The following RSRC2 variants were observed in gnomAD, a reference collection of about 807,000 sequenced individuals.
RSRC2 encodes arginine and serine rich coiled-coil 2, also known as arginine/serine-rich coiled-coil protein 2.
Under a neutral mutation model 61.3 loss-of-function variants are expected in RSRC2, and 5 were observed. The observed-to-expected ratio is 0.08, with a 90% CI of 0.04 to 0.17. The LOEUF (loss-of-function observed/expected upper bound fraction) is 0.17. RSRC2 is among the 10% of genes least tolerant of loss of function. RSRC2 has a pLI of 1.00. For missense variants in RSRC2, 381 were observed against 518.8 expected, an observed-to-expected ratio of 0.73 and a Z score of 2.58; for synonymous variants, 202 against 166.5, an observed-to-expected ratio of 1.21 and a Z score of -1.64.
At chr12:122,513,251 A>C (rs954320601) in intron 6 of RSRC2, among the ~76,000 whole-genome samples, 5 of 140,730 alleles carry the variant, frequency 3.6e-5, no homozygotes, top group Non-Finnish European at 7.7e-5. Context: ...AAATAAAATA[A>C]AATAAAAATA....
Position 122,515,337 on chromosome 12 carries a change from T to C in RSRC2, c.603-110A>G. 4 of 1,096,914 alleles carry C rather than the reference T, an allele frequency of 3.6e-6. No individual in the cohort carries two copies. In the East Asian group the frequency reaches 9.7e-5, roughly 27 times the overall value. The allele number at this position is 1,096,914 out of a possible 1,614,324, so 67.9% of individuals were successfully genotyped here. A position where few individuals can be genotyped will look rare whatever the true frequency, so the allele number is the denominator to read the frequency against. ...ATCCCAACGATACAAAAACATTTAGTTTGAGATGCAAAAGATTTAAAACAT... is the reference window on the plus strand; with the variant it reads ...ATCCCAACGATACAAAAACATTTAGCTTGAGATGCAAAAGATTTAAAACAT... On this transcript the variant is annotated intron_variant, in intron 5 of 9. Transcript: ENST00000331738.
At chr12:122,518,220 C>T (rs764518736) in intron 4 of RSRC2, among the ~76,000 whole-genome samples, 21 of 151,850 alleles carry the variant, frequency 1.4e-4, no homozygotes, top group Non-Finnish European at 2.2e-4. Flanking sequence ...ATCACTTGAG[C>T]CCTGGAGGAC....
At chr12:122,510,213 C>A (rs1565889770) in intron 7 of RSRC2, among the ~76,000 whole-genome samples, 2 of 151,892 alleles carry the variant, frequency 1.3e-5, no homozygotes, top group Non-Finnish European at 2.9e-5. Context: ...CACTTTCTTG[C>A]ATAAACTACA....
At chr12:122,524,263 T>C (rs1390806393) in intron 1 of RSRC2, among the ~76,000 whole-genome samples, 1 of 152,176 alleles carries the variant, frequency 6.6e-6, no homozygotes, top group Non-Finnish European at 1.5e-5. Flanking sequence ...TTTTTTTTCA[T>C]CGTTATCCTT....
At chr12:122,507,041 T>C in intron 8 of RSRC2, 118 bp from the exon 9 acceptor site, 1 of 680,956 alleles carries the variant, frequency 1.5e-6, no homozygotes, top group Non-Finnish European at 2.6e-6. Context: ...TCAATCAATG[T>C]AAGTTTAATT....
chr12:122,506,214 C>T (rs145643266), intron 9 of RSRC2, among the ~76,000 whole-genome samples: 39 of 152,030 alleles, frequency 2.6e-4, no homozygotes, highest in African/African-American at 9.2e-4. Context: ...GGTGAAACCC[C>T]GTCTATACTA....
chr12:122,506,980 G>C (rs750201789), intron 8 of RSRC2, 57 bp from the exon 9 acceptor site: 174 of 935,314 alleles, frequency 1.9e-4, no homozygotes, highest in Non-Finnish European at 2.8e-4. Flanking sequence ...TTTAGGACAT[G>C]AAATCTCTCA....
rs772016452 is a variant in RSRC2 at position 122,517,423 on chromosome 12, G to A, written c.406C>T (p.Arg136Cys). The change falls in exon 5 of 10, where the codon CGT becomes TGT. Residue 136 changes from arginine to cysteine, a missense_variant. Physicochemically the swap from Arg to Cys is radical, Grantham distance 180. Around this residue, in one of 4 missense-constraint regions of RSRC2, gnomAD observed 266 missense variants for 270.5 expected, o/e 0.98. Coordinates refer to ENST00000331738, the MANE Select transcript of RSRC2 (RefSeq NM_023012.6). ...SRSRSRERRH[R>C]SRSRERKKSR... The stretch of plus-strand genomic sequence containing the variant: ...TTCTTCCGCTCCCTGCTTCTACTAC[G>A]ATGGCGTCTGAAATTAAAGTGCACA... 6 of 1,613,970 alleles carry A rather than the reference G, an allele frequency of 3.7e-6. No homozygotes were observed. In the Admixed American group the frequency reaches 5.0e-5, roughly 13 times the overall value.
At chr12:122,519,294 G>A (rs1374744607) in intron 3 of RSRC2, 2 of 377,164 alleles carry the variant, frequency 5.3e-6, no homozygotes, top group East Asian at 5.2e-5. Context: ...ATATTGAAAA[G>A]CCATTATGCC....
chr12:122,514,709 T>C, intron 6 of RSRC2: 1 of 1,158,822 alleles, frequency 8.6e-7, no homozygotes, highest in Non-Finnish European at 1.1e-6. Context: ...AAATTTTACT[T>C]ACTGTTTCAG....
chr12:122,519,035 T>G lies in RSRC2; in HGVS notation c.208-6A>C. ...TTGGATTCATGTCTTCTTCCCTGTT[T>G]TAAGAAGAAGTTGGTTCTTTCAGGA... On this transcript the variant is annotated splice_region_variant and splice_polypyrimidine_tract_variant and intron_variant, in intron 3 of 9. Transcript: ENST00000331738. The G allele has an allele frequency of 6.2e-7, 1 of 1,611,978 alleles. No homozygotes were observed. Among genetic ancestry groups the G allele is most frequent in the Non-Finnish European group, 8.5e-7 (1 of 1,179,246 alleles).
intron 5 of RSRC2, among the ~76,000 whole-genome samples, chr12:122,516,397 C>G (rs1249735708): frequency 1.3e-5 from 2 of 152,168 alleles, no homozygotes; most frequent in Non-Finnish European, 2.9e-5. Flanking sequence ...CAAACAAAAT[C>G]TGAGGTAGTT....
intron 7 of RSRC2, among the ~76,000 whole-genome samples, chr12:122,510,608 C>A (rs1229853270): frequency 6.6e-6 from 1 of 152,148 alleles, no homozygotes; most frequent in Non-Finnish European, 1.5e-5. Context: ...AAAAATTATC[C>A]ACATGGACCA....
At chr12:122,512,524 T>TA (rs1033143624) in intron 6 of RSRC2, among the ~76,000 whole-genome samples, 75 of 152,200 alleles carry the variant, frequency 4.9e-4, no homozygotes, top group East Asian at 2.9e-3. Context: ...GGTCAGGAGT[T>TA]AGAGTCCAGC....
chr12:122,506,694 TG>T, intron 9 of RSRC2, 139 bp downstream of exon 9: 1 of 655,062 alleles, frequency 1.5e-6, no homozygotes, highest in South Asian at 1.9e-5. Context: ...TGGGATTGCT[TG>T]TTATTTCACA....
chr12:122,513,872 T>G (rs1433709842), intron 6 of RSRC2: 2 of 943,330 alleles, frequency 2.1e-6, no homozygotes, highest in Non-Finnish European at 1.3e-6. Flanking sequence ...GACCCCGTCT[T>G]CTCTACAAAA....
chr12:122,521,968 G>A (rs1565905730), intron 2 of RSRC2, among the ~76,000 whole-genome samples, 175 bp downstream of exon 2: 1 of 152,180 alleles, frequency 6.6e-6, no homozygotes, highest in Non-Finnish European at 1.5e-5. Flanking sequence ...GTCAATTTTT[G>A]TATTTTTGGT....
chr12:122,507,993 A>G, intron 8 of RSRC2: 2 of 583,220 alleles, frequency 3.4e-6, no homozygotes, highest in South Asian at 2.0e-5. Flanking sequence ...CAGTAGAGAC[A>G]GGGTTTTGCC....
chr12:122,522,230 G>T lies in RSRC2; in HGVS notation c.76C>A (p.Gln26Lys). The T allele has an allele frequency of 1.2e-6, 2 of 1,613,822 alleles. No homozygotes were observed. Among genetic ancestry groups the T allele is most frequent in the Non-Finnish European group, 8.5e-7 (1 of 1,179,782 alleles). Residue 26 changes from glutamine (Q) to lysine (K), a missense_variant, in exon 2 of 10, where the codon CAG becomes AAG. Physicochemically the swap from Gln to Lys is moderately conservative, Grantham distance 53. Around this residue, in one of 4 missense-constraint regions of RSRC2, gnomAD observed 266 missense variants for 270.5 expected, o/e 0.98. Transcript: ENST00000331738. ...CTAGGAGAAACAGATACTTCTGACTGCTCTTTTTTCTTATCTCTATCTGGT... is the reference window on the plus strand; with the variant it reads ...CTAGGAGAAACAGATACTTCTGACTTCTCTTTTTTCTTATCTCTATCTGGT... Reference protein sequence around the residue: ...TSPDRDKKKEQSEVSVSPRAS... With the variant: ...TSPDRDKKKEKSEVSVSPRAS...
Sources: gnomAD v4.1 joint callset for allele counts (sites outside exome capture counted in the v4.1 genomes callset) on GRCh38, gnomAD v4.1.1 for gene constraint, gnomAD v4.1.1 regional missense constraint, MANE v1.5 for transcripts, NCBI Gene and HGNC (gene_info 2026-07-23, HGNC 2026-07-21) for gene names.